ALK: variants seen among roughly 807,000 people sequenced by gnomAD.
The protein encoded by ALK is ALK receptor tyrosine kinase, also known as ALK tyrosine kinase receptor.
A neutral mutation model predicts 163.1 loss-of-function variants in ALK; 74 were observed. The observed-to-expected ratio is 0.45, with a 90% confidence interval of 0.38 to 0.55. The LOEUF (loss-of-function observed/expected upper bound fraction) is 0.55, where lower values mean the gene tolerates loss of function less well. Ranked by LOEUF, ALK falls within the 20% of genes least tolerant of loss-of-function variation. The pLI is 0.00. For missense variants in ALK, 2,063 were observed against 2,105.3 expected (o/e 0.98, Z 0.39); for synonymous variants, 960 against 843.2 (o/e 1.14, Z -2.40).
chr2:29,280,356 T>G (rs1332346236), intron 9 of ALK, among the ~76,000 whole-genome samples: 4 of 136,584 alleles, frequency 2.9e-5, no homozygotes, highest in Non-Finnish European at 6.4e-5. Flanking sequence ...ATGCCAGGTG[T>G]ACCACTCTGG....
chr2:29,443,700 C>G (rs919224947), intron 4 of ALK, among the ~76,000 whole-genome samples: 2 of 152,202 alleles, frequency 1.3e-5, no homozygotes. Flanking sequence ...GGCTCACTCA[C>G]CCTTTCACAG....
chr2:29,871,004 T>C (rs1014648588), intron 1 of ALK, among the ~76,000 whole-genome samples: 1 of 152,298 alleles, frequency 6.6e-6, no homozygotes, highest in African/African-American at 2.4e-5. Context: ...TCCAGGACTG[T>C]TTTACGCATC....
chr2:29,406,023 A>T (rs937165653), intron 4 of ALK, among the ~76,000 whole-genome samples: 11 of 152,204 alleles, frequency 7.2e-5, no homozygotes, highest in Non-Finnish European at 1.0e-4. Flanking sequence ...GAGGAGCTCA[A>T]AGGCCATTAA....
intron 1 of ALK, among the ~76,000 whole-genome samples, chr2:29,851,911 T>C (rs992684423): frequency 7.9e-5 from 12 of 152,232 alleles, no homozygotes; most frequent in African/African-American, 2.9e-4. Flanking sequence ...AGATGCAGAA[T>C]GTCCAAGGGA....
intron 3 of ALK, among the ~76,000 whole-genome samples, chr2:29,605,902 C>T (rs950005218): frequency 3.3e-5 from 5 of 152,056 alleles, no homozygotes; most frequent in Non-Finnish European, 7.4e-5. Context: ...GTGACTCCTG[C>T]TTATCAGCTG....
At chr2:29,694,622 A>G (rs1678498387) in intron 3 of ALK, among the ~76,000 whole-genome samples, 1 of 152,158 alleles carries the variant, frequency 6.6e-6, no homozygotes, top group Non-Finnish European at 1.5e-5. Flanking sequence ...ATGAAACCCT[A>G]CTTTTATTAC....
In ALK at chr2:29,896,280, C is replaced by T. The variant is rs550143158; in HGVS notation, c.667+23713G>A. 1.6e-4 allele frequency among the ~76,000 whole-genome samples: 24 copies of T among 152,096 alleles called. No individual in the cohort carries two copies. The East Asian group carries it at 3.3e-3, about 21-fold the overall frequency. ...ATGAAGAAGAATACAAAGGGTACCT[C>T]CGACCCCCAAGAGGGAATGTCTTGA... On this transcript the variant is annotated intron_variant, in intron 1 of 28. Transcript: ENST00000389048.
chr2:29,385,286 A>C (rs1037618704), intron 4 of ALK, among the ~76,000 whole-genome samples: 1 of 152,054 alleles, frequency 6.6e-6, no homozygotes, highest in Non-Finnish European at 1.5e-5. Context: ...AAATCCAACT[A>C]TTCAGAAAGG....
intron 5 of ALK, among the ~76,000 whole-genome samples, chr2:29,335,595 G>A (rs141094589): frequency 5.3e-5 from 8 of 152,274 alleles, no homozygotes; most frequent in South Asian, 2.1e-4. Flanking sequence ...GAGATGATCC[G>A]AGCTCGAGTT....
intron 5 of ALK, among the ~76,000 whole-genome samples, chr2:29,381,756 T>C (rs142793388): frequency 2.0e-5 from 3 of 152,312 alleles, no homozygotes; most frequent in African/African-American, 4.8e-5. Flanking sequence ...CCAGAAAACA[T>C]AGACATTTGC....
At position 29,732,741 on chromosome 2, in the gene ALK, C is replaced by T. The variant is rs144340360; in HGVS notation, c.668-15044G>A. Among the ~76,000 whole-genome samples, 633 of 152,258 alleles carry T rather than the reference C, an allele frequency of 4.2e-3. 4 individuals carry two copies. Among genetic ancestry groups the T allele is most frequent in the African/African-American group, 0.014 (581 of 41,546 alleles). The stretch of plus-strand genomic sequence containing the variant: ...GAGGCCCAAAAGAGAACCCTCACCC[C>T]TTCCACCATGTGAGGACACAGCAAG... On this transcript the variant is annotated intron_variant, in intron 1 of 28. Transcript: ENST00000389048.
At chr2:29,762,994 G>A (rs1402789103) in intron 1 of ALK, among the ~76,000 whole-genome samples, 1 of 151,676 alleles carries the variant, frequency 6.6e-6, no homozygotes, top group Non-Finnish European at 1.5e-5. Context: ...GGCTGAGGCA[G>A]GAGAATCGCT....
At chr2:29,525,483 A>C (rs1672933177) in intron 4 of ALK, among the ~76,000 whole-genome samples, 1 of 152,108 alleles carries the variant, frequency 6.6e-6, no homozygotes, top group Non-Finnish European at 1.5e-5. Flanking sequence ...AGACGAGTAA[A>C]ATCAGAATAG....
intron 3 of ALK, among the ~76,000 whole-genome samples, chr2:29,682,438 T>C (rs763836): frequency 0.83 from 126,450 of 152,134 alleles, 52,657 homozygotes; most frequent in Middle Eastern, 0.85. Flanking sequence ...TAGGATATAA[T>C]CTGTGTTTAG....
chr2:29,633,658 T>G (rs1458383945), intron 3 of ALK, among the ~76,000 whole-genome samples: 4 of 151,536 alleles, frequency 2.6e-5, no homozygotes. Flanking sequence ...ATCAATACAA[T>G]TAACATACCT....
At chr2:29,720,116 G>T (rs1008791182) in intron 1 of ALK, among the ~76,000 whole-genome samples, 9 of 151,996 alleles carry the variant, frequency 5.9e-5, no homozygotes, top group Admixed American at 5.9e-4. Flanking sequence ...AGCAGATGGG[G>T]CTAGACTTCA....
intron 18 of ALK, 33 bp downstream of exon 18, chr2:29,226,889 G>T (rs1242980776): frequency 2.0e-5 from 33 of 1,613,140 alleles, no homozygotes; most frequent in Non-Finnish European, 2.8e-5. Flanking sequence ...CAGGCTATGG[G>T]CCCCTCTGCC....
intron 3 of ALK, among the ~76,000 whole-genome samples, chr2:29,598,853 A>G (rs1675293333): frequency 6.6e-6 from 1 of 152,188 alleles, no homozygotes; most frequent in Admixed American, 6.5e-5. Context: ...GAGAGAAATA[A>G]ATATTATAAA....
intron 3 of ALK, among the ~76,000 whole-genome samples, chr2:29,592,762 C>A (rs1675097716): frequency 6.6e-6 from 1 of 152,074 alleles, no homozygotes; most frequent in African/African-American, 2.4e-5. Flanking sequence ...CTTACATGGA[C>A]TGTAAATCCA....
Sources: allele counts gnomAD v4.1 joint callset (sites outside exome capture counted in the v4.1 genomes callset), GRCh38; gene constraint gnomAD v4.1.1; transcripts MANE v1.5; gene names NCBI Gene and HGNC (gene_info 2026-07-23, HGNC 2026-07-21).